The following GABRA2 variants were observed in gnomAD, a reference collection of about 807,000 sequenced individuals.
GABRA2 encodes gamma-aminobutyric acid type A receptor subunit alpha2.
In GABRA2, 16 loss-of-function variants were observed where a neutral mutation model predicts 48.7. The observed-to-expected ratio is 0.33, with a 90% CI of 0.22 to 0.50. The LOEUF is 0.50. Ranked by LOEUF, GABRA2 falls within the 20% of genes least tolerant of loss-of-function variation. GABRA2 has a pLI of 0.98. For synonymous variants in GABRA2, 185 were observed against 184.5 expected, an observed-to-expected ratio of 1.00 and a Z score of -0.02; for missense variants, 275 against 535.6, an observed-to-expected ratio of 0.51 and a Z score of 4.80.
chr4:46,344,993 T>C (rs1183438262), intron 3 of GABRA2, among the ~76,000 whole-genome samples: 1 of 151,916 alleles, frequency 6.6e-6, no homozygotes, highest in African/African-American at 2.4e-5. Flanking sequence ...TCATCTTGAA[T>C]TGTAATTCCC....
chr4:46,250,556 C>T lies in GABRA2; in HGVS notation c.1108G>A (p.Ala370Thr). The change falls in exon 10 of 10, where the codon GCT (alanine) becomes ACT (threonine). Residue 370 changes from alanine to threonine, a missense_variant. Ala to Thr is a moderately conservative substitution (Grantham distance 58). This residue lies in a region of GABRA2 where 99 missense variants were observed against 124.3 expected (regional missense o/e 0.80). Transcript: ENST00000381620. ...VMIQNNAYAVAVANYAPNLSK... is the reference protein window; with the variant it reads ...VMIQNNAYAVTVANYAPNLSK... ...AGATTCGGGGCATAATTGGCAACAG[C>T]CACTGCATAAGCGTTGTTCTGTATC... 6.2e-7 allele frequency: 1 copy of T among 1,611,432 alleles called. No individual in the cohort carries two copies. Among genetic ancestry groups the T allele is most frequent in the Non-Finnish European group, 8.5e-7 (1 of 1,178,368 alleles).
rs115346006 is a variant in GABRA2, at chr4:46,345,735, G to C, written c.188-13053C>G. ...ATTTCCCAAATAAATCCATGTTTTAGAGTCTGCTTCTGGGGAAAATGAGAG... is the reference window on the plus strand; with the variant it reads ...ATTTCCCAAATAAATCCATGTTTTACAGTCTGCTTCTGGGGAAAATGAGAG... On this transcript the variant is annotated intron_variant, in intron 3 of 9. Coordinates refer to ENST00000381620, the MANE Select transcript of GABRA2 (RefSeq NM_000807.4). 1.9e-3 allele frequency among the ~76,000 whole-genome samples: 285 copies of C among 151,944 alleles called. 2 individuals carry two copies. The highest frequency in any genetic ancestry group is 6.1e-3 in the African/African-American group (255 of 41,472).
intron 8 of GABRA2, among the ~76,000 whole-genome samples, chr4:46,296,654 GGGAAAAAAAAAAA>G (rs971893211): frequency 1.7e-5 from 1 of 58,364 alleles, no homozygotes; most frequent in Non-Finnish European, 3.9e-5. Flanking sequence ...CTCTATCAGG[GGGAAAAAAAAAAA>G]GAAAAAAAAA....
intron 8 of GABRA2, among the ~76,000 whole-genome samples, chr4:46,273,408 G>A (rs1263589159): frequency 8.6e-6 from 1 of 115,708 alleles, no homozygotes; most frequent in Non-Finnish European, 1.9e-5. Context: ...GTGTGTATGT[G>A]TATACACACT....
chr4:46,249,651 G>C lies in GABRA2; in HGVS notation c.*657C>G, dbSNP rs989194948. 2.6e-5 allele frequency: 4 copies of C among 151,252 alleles called. No homozygotes were observed. Among genetic ancestry groups the C allele is most frequent in the African/African-American group, 9.7e-5 (4 of 41,270 alleles). The allele number at this position is 151,252 out of a possible 1,614,324, so 9.4% of individuals were successfully genotyped here. A position where few individuals can be genotyped will look rare whatever the true frequency, so the allele number is the denominator to read the frequency against. ...TAAACTCTGAAGCTAAAAATGTAAT[G>C]ACCATGACATTCCAATAGTTATTAC... On this transcript the variant is annotated 3_prime_UTR_variant, in exon 10 of 10. Coordinates refer to ENST00000381620, the MANE Select transcript of GABRA2 (RefSeq NM_000807.4).
At chr4:46,351,832 C>G (rs1318254643) in intron 3 of GABRA2, among the ~76,000 whole-genome samples, 2 of 151,914 alleles carry the variant, frequency 1.3e-5, no homozygotes, top group East Asian at 3.9e-4. Flanking sequence ...TTTATCCTTT[C>G]CTTTATCTGT....
At position 46,245,771 on chromosome 4, in the gene GABRA2, A is replaced by T. The variant is rs1713609325; in HGVS notation, c.*4537T>A. Among the ~76,000 whole-genome samples the T allele has an allele frequency of 6.6e-6, 1 of 151,274 alleles. No individual in the cohort carries two copies. The highest frequency in any genetic ancestry group is 2.4e-5 in the African/African-American group (1 of 41,376). On this transcript the variant is annotated 3_prime_UTR_variant, in exon 10 of 10. Coordinates refer to ENST00000381620, the MANE Select transcript of GABRA2 (RefSeq NM_000807.4). Reference sequence around the variant, plus strand: ...ACCCTATTAAAAGATCTTTGGGAACATTACTGTAAGCTGAAACATAAACCT... The same window carrying T: ...ACCCTATTAAAAGATCTTTGGGAACTTTACTGTAAGCTGAAACATAAACCT...
intron 3 of GABRA2, among the ~76,000 whole-genome samples, chr4:46,341,117 C>T (rs895913954): frequency 1.4e-4 from 21 of 151,874 alleles, no homozygotes; most frequent in Middle Eastern, 3.4e-3. Flanking sequence ...TATTCTCTTT[C>T]GGAGAGATAT....
chr4:46,280,499 AAG>A (rs763909386), intron 8 of GABRA2, among the ~76,000 whole-genome samples: 4 of 152,184 alleles, frequency 2.6e-5, no homozygotes, highest in Non-Finnish European at 5.9e-5. Flanking sequence ...CTGATTTCTG[AAG>A]AGTCTTTGGC....
chr4:46,265,030 G>T (rs113429097), intron 8 of GABRA2, among the ~76,000 whole-genome samples: 29 of 100,376 alleles, frequency 2.9e-4, no homozygotes, highest in African/African-American at 1.8e-3. Context: ...GATAGAGAGA[G>T]AGAGAGAGAG....
rs757230121 is a variant in GABRA2, at chr4:46,332,699, G to A, written c.188-17C>T. ...TAATACTGTCTAATATGAGAAAAGA[G>A]ATTGAATATAGATATTATATAATAA... On this transcript the variant is annotated splice_polypyrimidine_tract_variant and intron_variant, in intron 3 of 9. Transcript: ENST00000381620. 2 of 1,385,948 alleles carry A rather than the reference G, an allele frequency of 1.4e-6. No homozygotes were observed. The highest frequency in any genetic ancestry group is 2.3e-5 in the East Asian group (1 of 43,502). 85.9% of individuals were successfully genotyped at this position (1,385,948 alleles called of 1,614,324 possible).
rs371609935 is a variant in GABRA2, at chr4:46,263,486, CTT to C, written c.857-1360_857-1359del. Among the ~76,000 whole-genome samples, 54 of 152,144 alleles carry C rather than the reference CTT, an allele frequency of 3.5e-4. No individual in the cohort carries two copies. In the Middle Eastern group the frequency reaches 0.014, roughly 38 times the overall value. On this transcript the variant is annotated intron_variant, in intron 8 of 9. Transcript: ENST00000381620. ...TCCCAGCACCATGTGTGAAAAAAGA[CTT>C]TTGTTTCCCCATTAAATTATCTTGG...
rs1259737512 is a variant in GABRA2, at chr4:46,245,196, G to A, written c.*5112C>T. Among the ~76,000 whole-genome samples, 6 of 151,184 alleles carry A rather than the reference G, an allele frequency of 4.0e-5. No individual in the cohort carries two copies. The highest frequency in any genetic ancestry group is 2.0e-4 in the East Asian group (1 of 5,124). On this transcript the variant is annotated 3_prime_UTR_variant, in exon 10 of 10. Coordinates refer to ENST00000381620, the MANE Select transcript of GABRA2 (RefSeq NM_000807.4). ...CTAATATGCATAAAAAACTTAGAAC[G>A]TTGACTAGTATGTGATGGGCTCTCT...
At chr4:46,258,921 A>G (rs908987979) in intron 9 of GABRA2, among the ~76,000 whole-genome samples, 3 of 151,920 alleles carry the variant, frequency 2.0e-5, no homozygotes, top group Non-Finnish European at 2.9e-5. Flanking sequence ...GTTGAAAGTG[A>G]TAAGATAACA....
At chr4:46,267,378 C>A (rs1001585339) in intron 8 of GABRA2, among the ~76,000 whole-genome samples, 1 of 151,928 alleles carries the variant, frequency 6.6e-6, no homozygotes, top group African/African-American at 2.4e-5. Flanking sequence ...TTAGTTCTTT[C>A]GACAGGGTCT....
rs1262519011 is a variant in GABRA2 at position 46,246,318 on chromosome 4, T to C, written c.*3990A>G. On this transcript the variant is annotated 3_prime_UTR_variant, in exon 10 of 10. Coordinates refer to ENST00000381620, the MANE Select transcript of GABRA2 (RefSeq NM_000807.4). ...TATAAATTTTAACAGCAAAATATTA[T>C]GGATATTAAATAATTATGTTAAATA... Among the ~76,000 whole-genome samples the C allele has an allele frequency of 6.6e-6, 1 of 151,014 alleles. No individual in the cohort carries two copies. Among genetic ancestry groups the C allele is most frequent in the East Asian group, 2.0e-4 (1 of 5,110 alleles).
intron 4 of GABRA2, among the ~76,000 whole-genome samples, chr4:46,329,420 A>G (rs544762190): frequency 1.3e-3 from 199 of 152,196 alleles, no homozygotes; most frequent in African/African-American, 4.6e-3. Flanking sequence ...ATGAGTTTTC[A>G]GCCCATGAAG....
intron 3 of GABRA2, among the ~76,000 whole-genome samples, chr4:46,337,001 T>C (rs1732349824): frequency 6.6e-6 from 1 of 152,098 alleles, no homozygotes; most frequent in Admixed American, 6.6e-5. Flanking sequence ...ATAAAACTTC[T>C]TATAAAATCT....
At chr4:46,328,066 G>C (rs540769217) in intron 4 of GABRA2, among the ~76,000 whole-genome samples, 14 of 152,112 alleles carry the variant, frequency 9.2e-5, no homozygotes, top group African/African-American at 3.4e-4. Flanking sequence ...AGTAGAGCAA[G>C]TTAGAAATTG....
Sources: allele counts gnomAD v4.1 joint callset (sites outside exome capture counted in the v4.1 genomes callset), GRCh38; gene constraint gnomAD v4.1.1; regional missense constraint gnomAD v4.1.1; transcripts MANE v1.5; gene names NCBI Gene and HGNC (gene_info 2026-07-23, HGNC 2026-07-21).